The following ST6GALNAC3 variants were observed in gnomAD, a reference collection of about 807,000 sequenced individuals.
ST6GALNAC3 encodes the protein alpha-N-acetylgalactosaminide alpha-2,6-sialyltransferase 3.
ST6GALNAC3 carries 25 observed loss-of-function variants against 32.7 expected under a neutral mutation model. The ratio of observed to expected loss-of-function variants is 0.76; its 90% CI spans 0.56 to 1.07. The LOEUF is 1.07. ST6GALNAC3 is among the 50% of genes least tolerant of loss of function. The pLI, the probability that ST6GALNAC3 is intolerant of heterozygous loss-of-function variation, is 0.00. For missense variants in ST6GALNAC3, 355 were observed against 382.4 expected, an observed-to-expected ratio of 0.93 and a Z score of 0.60; for synonymous variants, 129 against 133.1, an observed-to-expected ratio of 0.97 and a Z score of 0.21.
chr1:76,620,712 C>A (rs147054367), intron 3 of ST6GALNAC3, among the ~76,000 whole-genome samples: 1 of 152,138 alleles, frequency 6.6e-6, no homozygotes, highest in Non-Finnish European at 1.5e-5. Context: ...AAGGCCCCAT[C>A]ACCAAATACA....
chr1:76,621,994 G>T (rs552643187), intron 3 of ST6GALNAC3, among the ~76,000 whole-genome samples: 64 of 152,052 alleles, frequency 4.2e-4, no homozygotes, highest in African/African-American at 1.3e-3. Context: ...AGAAGCTGCT[G>T]CCAATACCAT....
At chr1:76,196,290 A>C (rs1336472085) in intron 1 of ST6GALNAC3, among the ~76,000 whole-genome samples, 1 of 152,082 alleles carries the variant, frequency 6.6e-6, no homozygotes, top group Non-Finnish European at 1.5e-5. Context: ...ATTTCTGACT[A>C]AGGAAGTCGG....
intron 2 of ST6GALNAC3, among the ~76,000 whole-genome samples, chr1:76,371,445 A>G (rs745362409): frequency 2.2e-4 from 34 of 152,304 alleles, no homozygotes; most frequent in Middle Eastern, 3.4e-3. Context: ...GCATCCTAGA[A>G]AAAAGTGACA....
At chr1:76,377,460 CAGAG>C (rs112217624) in intron 2 of ST6GALNAC3, among the ~76,000 whole-genome samples, 4 of 150,364 alleles carry the variant, frequency 2.7e-5, no homozygotes, top group Non-Finnish European at 3.0e-5. Context: ...CTTCACAGGG[CAGAG>C]AGAGAGAGAG....
At chr1:76,432,393 A>C (rs1655818751) in intron 3 of ST6GALNAC3, among the ~76,000 whole-genome samples, 1 of 140,196 alleles carries the variant, frequency 7.1e-6, no homozygotes, top group African/African-American at 2.7e-5. Flanking sequence ...GTTTTATGTT[A>C]TACGCTGAAA....
intron 2 of ST6GALNAC3, among the ~76,000 whole-genome samples, chr1:76,347,598 C>T (rs1246219420): frequency 6.6e-6 from 1 of 151,904 alleles, no homozygotes; most frequent in Non-Finnish European, 1.5e-5. Flanking sequence ...CTTGGCAAAC[C>T]CTATCAGATA....
intron 1 of ST6GALNAC3, among the ~76,000 whole-genome samples, chr1:76,203,927 A>G (rs1372388303): frequency 6.6e-6 from 1 of 152,224 alleles, no homozygotes; most frequent in Non-Finnish European, 1.5e-5. Flanking sequence ...TATATCATAG[A>G]TTATTGTAAA....
At chr1:76,564,332 T>C (rs1665419716) in intron 3 of ST6GALNAC3, among the ~76,000 whole-genome samples, 2 of 152,232 alleles carry the variant, frequency 1.3e-5, no homozygotes, top group Non-Finnish European at 2.9e-5. Flanking sequence ...AAACCTACTT[T>C]GTATTTGTAA....
chr1:76,102,900 A>G (rs1204379669), intron 1 of ST6GALNAC3, among the ~76,000 whole-genome samples: 1 of 152,076 alleles, frequency 6.6e-6, no homozygotes, highest in African/African-American at 2.4e-5. Context: ...TCTGTTGGTA[A>G]CAAATTCTTT....
At chr1:76,568,902 T>G (rs1665705532) in intron 3 of ST6GALNAC3, among the ~76,000 whole-genome samples, 1 of 152,168 alleles carries the variant, frequency 6.6e-6, no homozygotes, top group African/African-American at 2.4e-5. Flanking sequence ...TTAATTTATT[T>G]TTTTTTCCTT....
At chr1:76,080,369 G>T (rs1646876679) in intron 1 of ST6GALNAC3, among the ~76,000 whole-genome samples, 1 of 152,070 alleles carries the variant, frequency 6.6e-6, no homozygotes, top group Non-Finnish European at 1.5e-5. Context: ...CAAGGATGTG[G>T]CATGGATTTT....
At chr1:76,409,928 C>A (rs1391929361) in intron 2 of ST6GALNAC3, among the ~76,000 whole-genome samples, 3 of 152,108 alleles carry the variant, frequency 2.0e-5, no homozygotes, top group African/African-American at 7.2e-5. Context: ...ATTCAATAGG[C>A]TGTACCTTCA....
At position 76,139,010 on chromosome 1, in the gene ST6GALNAC3, C is replaced by T. The variant is rs571422142; in HGVS notation, c.18+64126C>T. ...GAGATCGAGACCATCCTGGCTAACACGGTGAAACCCCGTCTCTACTAAAAA... is the reference window on the plus strand; with the variant it reads ...GAGATCGAGACCATCCTGGCTAACATGGTGAAACCCCGTCTCTACTAAAAA... On this transcript the variant is annotated intron_variant, in intron 1 of 4. Coordinates refer to ENST00000328299, the MANE Select transcript of ST6GALNAC3 (RefSeq NM_152996.4). Among the ~76,000 whole-genome samples the T allele has an allele frequency of 3.7e-4, 56 of 152,092 alleles. No individual in the cohort carries two copies. In the South Asian group the frequency reaches 7.5e-3, roughly 20 times the overall value.
chr1:76,433,763 G>A (rs1392067317), intron 3 of ST6GALNAC3, among the ~76,000 whole-genome samples: 1 of 152,054 alleles, frequency 6.6e-6, no homozygotes, highest in African/African-American at 2.4e-5. Context: ...GGCTCTTACT[G>A]TCAATTGTTA....
At chr1:76,470,093 G>C (rs1187063653) in intron 3 of ST6GALNAC3, among the ~76,000 whole-genome samples, 1 of 152,016 alleles carries the variant, frequency 6.6e-6, no homozygotes, top group East Asian at 1.9e-4. Flanking sequence ...TTTACTTTCT[G>C]TTCCCTATTG....
At chr1:76,347,498 T>TTA (rs138842084) in intron 2 of ST6GALNAC3, among the ~76,000 whole-genome samples, 3,713 of 151,168 alleles carry the variant, frequency 0.025, 80 homozygotes, top group Admixed American at 0.066. Flanking sequence ...GAGAATAAGT[T>TTA]TATATATATA....
intron 3 of ST6GALNAC3, among the ~76,000 whole-genome samples, chr1:76,438,213 G>A (rs12759169): frequency 0.2 from 30,434 of 150,756 alleles, 3,654 homozygotes; most frequent in East Asian, 0.27. Context: ...GTGCAGTGGC[G>A]CGATCTCGGC....
At chr1:76,233,641 G>A (rs1483317081) in intron 1 of ST6GALNAC3, among the ~76,000 whole-genome samples, 3 of 152,126 alleles carry the variant, frequency 2.0e-5, no homozygotes, top group Non-Finnish European at 4.4e-5. Context: ...ATTTTGAGTA[G>A]CATCCTCATT....
intron 1 of ST6GALNAC3, among the ~76,000 whole-genome samples, chr1:76,097,264 C>G (rs1008440009): frequency 2.0e-5 from 3 of 152,126 alleles, no homozygotes; most frequent in Admixed American, 2.0e-4. Flanking sequence ...TGGCTGTGTC[C>G]TCACTCAAAT....
Sources: gnomAD v4.1 joint callset for allele counts (sites outside exome capture counted in the v4.1 genomes callset) on GRCh38, gnomAD v4.1.1 for gene constraint, MANE v1.5 for transcripts, NCBI Gene and HGNC (gene_info 2026-07-23, HGNC 2026-07-21) for gene names.